Variants in C17orf107 observed in about 807,000 individuals in gnomAD.
C17orf107 encodes the protein chromosome 17 open reading frame 107, also known as uncharacterized protein C17orf107.
C17orf107 carries 9 observed loss-of-function variants against 8.9 expected under a neutral mutation model. The ratio of observed to expected loss-of-function variants is 1.02; its 90% CI spans 0.61 to 1.77. The LOEUF (loss-of-function observed/expected upper bound fraction) is 1.77. Among genes scored for constraint, C17orf107 ranks in the 40% most tolerant of loss-of-function variants. The pLI is 0.00. For synonymous variants in C17orf107, 139 were observed against 120.3 expected (o/e 1.16, Z -1.02); for missense variants, 281 against 249.0 (o/e 1.13, Z -0.86).
In C17orf107 at chr17:4,901,665, A is replaced by AC. The variant is rs1388838962; in HGVS notation, c.*1134dup. 1.3e-6 allele frequency: 2 copies of AC among 1,576,028 alleles called. No homozygotes were observed. The highest frequency in any genetic ancestry group is 2.2e-5 in the South Asian group (2 of 90,290). Reference sequence around the variant, plus strand: ...CCGGGAGCCCACCCCAGAAGCTCTGACCTGGGCCCCGGCCTCAGGCCCAGC... The same window carrying AC: ...CCGGGAGCCCACCCCAGAAGCTCTGACCCTGGGCCCCGGCCTCAGGCCCAGC... On this transcript the variant is annotated 3_prime_UTR_variant, in exon 3 of 3. Transcript: ENST00000381365.
chr17:4,904,507 G>A (rs1970065305), downstream of C17orf107, among the ~76,000 whole-genome samples: 3 of 152,164 alleles, frequency 2.0e-5, no homozygotes, highest in African/African-American at 7.2e-5. Flanking sequence ...AAACTGTCCA[G>A]GTGTTCCTCG....
At chr17:4,905,836 G>C (rs1023969119), downstream of C17orf107, among the ~76,000 whole-genome samples, 1 of 152,152 alleles carries the variant, frequency 6.6e-6, no homozygotes, top group Non-Finnish European at 1.5e-5. Flanking sequence ...ACTCCAGCCC[G>C]GGTGACAGAG....
Position 4,900,469 on chromosome 17 carries a change from C to A in C17orf107, c.509C>A (p.Ser170Ter). Residue 170 changes from serine (S) to a stop codon, truncating the protein, a stop_gained, in exon 3 of 3, where the codon TCG becomes TAG. Transcript: ENST00000381365. LOFTEE classifies it low-confidence loss of function (END_TRUNC). Reference sequence around the variant, plus strand: ...GGGTCTGCCTCATTCCTGCGACAGTCGCAACAGCAGCTAGGCCTCGGAATC... The same window carrying A: ...GGGTCTGCCTCATTCCTGCGACAGTAGCAACAGCAGCTAGGCCTCGGAATC... The part of the protein sequence containing the change: ...LQGSASFLRQ[S>*]QQQLGLGIPG... 1 of 1,551,122 alleles carries A rather than the reference C, an allele frequency of 6.4e-7. No homozygotes were observed. The highest frequency in any genetic ancestry group is 8.7e-7 in the Non-Finnish European group (1 of 1,146,986).
At position 4,902,125 on chromosome 17, in the gene C17orf107, T is replaced by A. The variant is rs748808870; in HGVS notation, c.*1592T>A. 1.2e-6 allele frequency: 2 copies of A among 1,613,656 alleles called. No homozygotes were observed. The highest frequency in any genetic ancestry group is 1.7e-5 in the Admixed American group (1 of 59,980). ...GGAAACCGAGCTTTTTGCACAGGTC[T>A]GCACCCTCTCAGAGTACCCCCTTCC... On this transcript the variant is annotated 3_prime_UTR_variant, in exon 3 of 3. Coordinates refer to ENST00000381365, the MANE Select transcript of C17orf107 (RefSeq NM_001145536.2). This position sits in a 1 kb window ranked among gnomAD's most constrained non-coding sequence, Gnocchi z 4.0.
chr17:4,900,462 C>T lies in C17orf107; in HGVS notation c.502C>T (p.Arg168Ter), dbSNP rs1271399654. The T allele has an allele frequency of 3.2e-6, 5 of 1,550,972 alleles. No individual in the cohort carries two copies. The Admixed American group carries it at 7.8e-5, about 24-fold the overall frequency. ...RGLQGSASFL[R>*]QSQQQLGLGI... Reference sequence around the variant, plus strand: ...TCTGCAGGGGTCTGCCTCATTCCTGCGACAGTCGCAACAGCAGCTAGGCCT... The same window carrying T: ...TCTGCAGGGGTCTGCCTCATTCCTGTGACAGTCGCAACAGCAGCTAGGCCT... The change falls in exon 3 of 3, where the codon CGA becomes TGA. Residue 168 changes from arginine (R) to a stop codon, truncating the protein, a stop_gained. Transcript: ENST00000381365. LOFTEE classifies it low-confidence loss of function (END_TRUNC).
chr17:4,899,953 G>T lies in C17orf107; in HGVS notation c.84G>T (p.Pro28=), dbSNP rs753823312. 8 of 1,550,910 alleles carry T rather than the reference G, an allele frequency of 5.2e-6. No individual in the cohort carries two copies. The highest frequency in any genetic ancestry group is 1.7e-4 in the Middle Eastern group (1 of 5,992). The change falls in exon 2 of 3, where the codon CCG becomes CCT. Residue 28 remains proline (P), a synonymous_variant. Coordinates refer to ENST00000381365, the MANE Select transcript of C17orf107 (RefSeq NM_001145536.2). ...TTCTCCAGGTGGCCCTCCAGCCCCC[G>T]CTTCTGTCTTCCCTGGAACTCTCCG... ...HSSTEVALQP[P]LLSSLELSVA...
In C17orf107 at chr17:4,902,209, G is replaced by C; in HGVS notation, c.*1676G>C. ...TCCCTCCAGCCTGGCGTCTGGCCCG[G>C]TTCTCACTTGTTTTCCAGCACAATC... On this transcript the variant is annotated 3_prime_UTR_variant, in exon 3 of 3. Transcript: ENST00000381365. The surrounding 1 kb of genome is among the most constrained non-coding windows in gnomAD (Gnocchi z 4.0). The C allele has an allele frequency of 1.9e-6, 3 of 1,613,956 alleles. No homozygotes were observed. The highest frequency in any genetic ancestry group is 1.7e-6 in the Non-Finnish European group (2 of 1,179,914).
In C17orf107 at chr17:4,901,885, C is replaced by T. The variant is rs1403862932; in HGVS notation, c.*1352C>T. The stretch of plus-strand genomic sequence containing the variant: ...TCCCGGTTGGCCCCGCCCCATAAGG[C>T]CCCCCCCCAACAATAATCGTCCGGG... On this transcript the variant is annotated 3_prime_UTR_variant, in exon 3 of 3. Coordinates refer to ENST00000381365, the MANE Select transcript of C17orf107 (RefSeq NM_001145536.2). 4.1e-6 allele frequency: 4 copies of T among 980,002 alleles called. No homozygotes were observed. The highest frequency in any genetic ancestry group is 1.3e-5 in the South Asian group (1 of 78,984). The allele number at this position is 980,002 out of a possible 1,614,324, so 60.7% of individuals were successfully genotyped here. A position where few individuals can be genotyped will look rare whatever the true frequency, so the allele number is the denominator to read the frequency against.
Position 4,901,628 on chromosome 17 carries a change from G to A in C17orf107, c.*1095G>A, listed in dbSNP as rs772091251. The A allele has an allele frequency of 6.8e-6, 11 of 1,613,660 alleles. No individual in the cohort carries two copies. In the Admixed American group the frequency reaches 1.0e-4, roughly 15 times the overall value. ...CTTCGGCATTGTACGTCTGAGAGCT[G>A]CGGAGCCAGGGCCGGGAGCCCACCC... On this transcript the variant is annotated 3_prime_UTR_variant, in exon 3 of 3. Coordinates refer to ENST00000381365, the MANE Select transcript of C17orf107 (RefSeq NM_001145536.2).
chr17:4,901,483 C>T lies in C17orf107; in HGVS notation c.*950C>T, dbSNP rs373084870. 6.3e-7 allele frequency: 1 copy of T among 1,580,354 alleles called. No individual in the cohort carries two copies. Among genetic ancestry groups the T allele is most frequent in the Non-Finnish European group, 8.7e-7 (1 of 1,149,208 alleles). ...CACCGTGGAAGTCCCCTCTCTGGAC[C>T]CCGTCTAGAAGCGGGTTTTTCTGAG... On this transcript the variant is annotated 3_prime_UTR_variant, in exon 3 of 3. Coordinates refer to ENST00000381365, the MANE Select transcript of C17orf107 (RefSeq NM_001145536.2).
Position 4,900,515 on chromosome 17 carries a change from A to G in C17orf107, c.555A>G (p.Ser185=). ...GLGIPGEPVS[S]GHGVS ...GAATCCCCGGAGAACCGGTGAGCTC[A>G]GGACACGGGGTGAGTTAGGGGCCAG... is the stretch of plus-strand genomic sequence containing the variant. The change falls in exon 3 of 3, where the codon TCA becomes TCG. Residue 185 remains serine, a synonymous_variant. Transcript: ENST00000381365. 1 of 1,550,864 alleles carries G rather than the reference A, an allele frequency of 6.4e-7. No homozygotes were observed. The highest frequency in any genetic ancestry group is 2.0e-5 in the Admixed American group (1 of 51,014).
chr17:4,901,512 G>A lies in C17orf107; in HGVS notation c.*979G>A, dbSNP rs769275255. On this transcript the variant is annotated 3_prime_UTR_variant, in exon 3 of 3. Coordinates refer to ENST00000381365, the MANE Select transcript of C17orf107 (RefSeq NM_001145536.2). ...TCTAGAAGCGGGTTTTTCTGAGCAG[G>A]CAGGGGCTTCACCAGTATAGGCCTC... 2 of 1,612,424 alleles carry A rather than the reference G, an allele frequency of 1.2e-6. No homozygotes were observed. Among genetic ancestry groups the A allele is most frequent in the South Asian group, 1.1e-5 (1 of 91,042 alleles).
chr17:4,903,841 T>G (rs532067891), downstream of C17orf107, among the ~76,000 whole-genome samples: 18 of 152,068 alleles, frequency 1.2e-4, no homozygotes, highest in African/African-American at 3.9e-4. Context: ...CCTTAATAGA[T>G]CCTTTTGATG....
Position 4,900,690 on chromosome 17 carries a change from C to A in C17orf107, c.*157C>A. On this transcript the variant is annotated 3_prime_UTR_variant, in exon 3 of 3. Transcript: ENST00000381365. ...CCCCACCCAGCGTCCGAATAAAGCC[C>A]AGGGCGGGGCGAGACAGCCAGAGCT... is the stretch of plus-strand genomic sequence containing the variant. 6.8e-7 allele frequency: 1 copy of A among 1,465,426 alleles called. No individual in the cohort carries two copies. The highest frequency in any genetic ancestry group is 9.3e-7 in the Non-Finnish European group (1 of 1,075,048). The allele number at this position is 1,465,426 out of a possible 1,614,324, so 90.8% of individuals were successfully genotyped here. A position where few individuals can be genotyped will look rare whatever the true frequency, so the allele number is the denominator to read the frequency against.
At position 4,901,245 on chromosome 17, in the gene C17orf107, G is replaced by A; in HGVS notation, c.*712G>A. On this transcript the variant is annotated 3_prime_UTR_variant, in exon 3 of 3. Transcript: ENST00000381365. ...GTCAGAGCGGGGCGCCCGCCGAGCT[G>A]ACAGCGGGCTGAAGAGGAGGCTGCG... 1 of 1,574,664 alleles carries A rather than the reference G, an allele frequency of 6.4e-7. No homozygotes were observed. Among genetic ancestry groups the A allele is most frequent in the East Asian group, 2.2e-5 (1 of 44,576 alleles).
chr17:4,903,521 C>T (rs986569183), downstream of C17orf107, among the ~76,000 whole-genome samples: 12 of 152,188 alleles, frequency 7.9e-5, no homozygotes, highest in Non-Finnish European at 1.0e-4. Context: ...ACCACCCAAG[C>T]TCACAATGCC....
Position 4,901,884 on chromosome 17 carries a change from G to GCCCCC in C17orf107, c.*1356_*1360dup, listed in dbSNP as rs113559784. On this transcript the variant is annotated 3_prime_UTR_variant, in exon 3 of 3. Transcript: ENST00000381365. ...TTCCCGGTTGGCCCCGCCCCATAAG[G>GCCCCC]CCCCCCCCCAACAATAATCGTCCGG... 11 of 1,526,248 alleles carry GCCCCC rather than the reference G, an allele frequency of 7.2e-6. No individual in the cohort carries two copies. Among genetic ancestry groups the GCCCCC allele is most frequent in the African/African-American group, 5.7e-5 (4 of 70,026 alleles). 94.5% of individuals were successfully genotyped at this position (1,526,248 alleles called of 1,614,324 possible).
downstream of C17orf107, among the ~76,000 whole-genome samples, chr17:4,905,324 G>T (rs554181626): frequency 6.6e-6 from 1 of 152,280 alleles, no homozygotes; most frequent in Admixed American, 6.5e-5. Context: ...TGAGGCTGGA[G>T]CATCACTTGA....
In C17orf107 at chr17:4,901,242, G is replaced by T. The variant is rs374236994; in HGVS notation, c.*709G>T. 2.2e-5 allele frequency: 34 copies of T among 1,576,394 alleles called. 1 individual carries two copies. The African/African-American group carries it at 2.3e-4, about 11-fold the overall frequency. On this transcript the variant is annotated 3_prime_UTR_variant, in exon 3 of 3. Coordinates refer to ENST00000381365, the MANE Select transcript of C17orf107 (RefSeq NM_001145536.2). ...GCTGTCAGAGCGGGGCGCCCGCCGA[G>T]CTGACAGCGGGCTGAAGAGGAGGCT...
Sources: gnomAD v4.1 joint callset for allele counts (sites outside exome capture counted in the v4.1 genomes callset) on GRCh38, gnomAD v4.1.1 for gene constraint, Gnocchi (gnomAD v3.1) non-coding constraint, MANE v1.5 for transcripts, NCBI Gene and HGNC (gene_info 2026-07-23, HGNC 2026-07-21) for gene names.